FAM210B: variants seen among roughly 807,000 people sequenced by gnomAD.
FAM210B encodes the protein family with sequence similarity 210 member B.
In FAM210B, 11 loss-of-function variants were observed where a neutral mutation model predicts 14.9. The observed-to-expected ratio is 0.74, with a 90% CI of 0.46 to 1.22. The LOEUF is 1.22. Ranked by LOEUF, FAM210B falls within the 50% of genes most tolerant of loss-of-function variation. The pLI is 0.00. For synonymous variants in FAM210B, 113 were observed against 110.2 expected (o/e 1.03, Z -0.16); for missense variants, 229 against 250.1 (o/e 0.92, Z 0.57).
intron 1 of FAM210B, 128 bp from the exon 2 acceptor site, chr20:56,364,959 A>G (rs1017662051): frequency 1.1e-6 from 1 of 931,940 alleles, no homozygotes; most frequent in Non-Finnish European, 1.5e-6. Flanking sequence ...GTCTCAAAAG[A>G]AAAAGGAAAG....
intron 2 of FAM210B, 38 bp downstream of exon 2, chr20:56,365,300 T>C (rs17362970): frequency 0.15 from 240,029 of 1,590,180 alleles, 19,607 homozygotes; most frequent in Middle Eastern, 0.17. Flanking sequence ...TGTTTTTTAC[T>C]GTCATGTAAG....
rs767045517 is a variant in FAM210B at position 56,366,077 on chromosome 20, G to C, written c.369G>C (p.Val123=). The change falls in exon 3 of 3, where the codon GTG becomes GTC. Residue 123 remains valine (V), a synonymous_variant. Transcript: ENST00000371384. ...TTTGCTTCTTCCCCCCTAGTGGTGT[G>C]GACATGCCTGCAATCCTGCTGAAAC... ...GIFYMVVSSG[V]DMPAILLKLG... is the part of the protein sequence containing the mutation. 6.2e-7 allele frequency: 1 copy of C among 1,613,832 alleles called. No individual in the cohort carries two copies. Among genetic ancestry groups the C allele is most frequent in the Non-Finnish European group, 8.5e-7 (1 of 1,179,792 alleles).
chr20:56,361,557 T>A (rs1983532591), intron 1 of FAM210B, among the ~76,000 whole-genome samples: 1 of 152,178 alleles, frequency 6.6e-6, no homozygotes, highest in African/African-American at 2.4e-5. Context: ...CTGACAGTAA[T>A]CCCTGTGTGA....
chr20:56,360,248 G>A (rs1176937578), intron 1 of FAM210B: 3 of 470,176 alleles, frequency 6.4e-6, no homozygotes, highest in Admixed American at 2.3e-5. Flanking sequence ...ACACCGTGCC[G>A]CCTCCTGATG....
chr20:56,365,522 T>G (rs1983615460), intron 2 of FAM210B, among the ~76,000 whole-genome samples: 1 of 151,770 alleles, frequency 6.6e-6, no homozygotes. Flanking sequence ...TTGTTTGTTT[T>G]GGGGGACGGA....
rs1028838120 is a variant in FAM210B, at chr20:56,367,962, A to C, written c.*1675A>C. 2.6e-5 allele frequency: 4 copies of C among 152,286 alleles called. No individual in the cohort carries two copies. The highest frequency in any genetic ancestry group is 9.6e-5 in the African/African-American group (4 of 41,454). The allele number at this position is 152,286 out of a possible 1,614,324, so 9.4% of individuals were successfully genotyped here. A position where few individuals can be genotyped will look rare whatever the true frequency, so the allele number is the denominator to read the frequency against. On this transcript the variant is annotated 3_prime_UTR_variant, in exon 3 of 3. Transcript: ENST00000371384. ...GAACTGAATAAACCATTAACTGGCC[A>C]TCCTGGTTTTGCAGAGATCAGGTTG... is the stretch of plus-strand genomic sequence containing the variant.
rs1265586946 is a variant in FAM210B, at chr20:56,366,359, T to G, written c.*72T>G. 4 of 1,503,168 alleles carry G rather than the reference T, an allele frequency of 2.7e-6. No homozygotes were observed. The highest frequency in any genetic ancestry group is 4.5e-5 in the East Asian group (2 of 44,112). The allele number at this position is 1,503,168 out of a possible 1,614,324, so 93.1% of individuals were successfully genotyped here. ...CATGATTTGGATTGGTTTTAGGGTT[T>G]TAGGGTTGTAGGGTTTCTTTTGGAG... On this transcript the variant is annotated 3_prime_UTR_variant, in exon 3 of 3. Transcript: ENST00000371384.
Position 56,368,526 on chromosome 20 carries a change from A to G in FAM210B, c.*2239A>G, listed in dbSNP as rs762738436. 6.6e-6 allele frequency: 1 copy of G among 152,196 alleles called. No homozygotes were observed. Among genetic ancestry groups the G allele is most frequent in the Non-Finnish European group, 1.5e-5 (1 of 68,068 alleles). 9.4% of individuals were successfully genotyped at this position (152,196 alleles called of 1,614,324 possible). On this transcript the variant is annotated 3_prime_UTR_variant, in exon 3 of 3. Coordinates refer to ENST00000371384, the MANE Select transcript of FAM210B (RefSeq NM_080821.3). ...CTGTGGCCAGGGGTCCAAACAGAAA[A>G]TAACCGGAGAAGACAAGGAGGTCAA...
chr20:56,367,574 T>C lies in FAM210B; in HGVS notation c.*1287T>C, dbSNP rs1422097615. 1 of 152,428 alleles carries C rather than the reference T, an allele frequency of 6.6e-6. No homozygotes were observed. Among genetic ancestry groups the C allele is most frequent in the Non-Finnish European group, 1.5e-5 (1 of 68,230 alleles). The allele number at this position is 152,428 out of a possible 1,614,324, so 9.4% of individuals were successfully genotyped here. A position where few individuals can be genotyped will look rare whatever the true frequency, so the allele number is the denominator to read the frequency against. ...TTGCTTGAACCCAGGAGGTGGAGGTTGCAGTGAGCCAAGATCACACCACTG... is the reference window on the plus strand; with the variant it reads ...TTGCTTGAACCCAGGAGGTGGAGGTCGCAGTGAGCCAAGATCACACCACTG... On this transcript the variant is annotated 3_prime_UTR_variant, in exon 3 of 3. Transcript: ENST00000371384.
chr20:56,360,414 A>T, intron 1 of FAM210B: 1 of 356,818 alleles, frequency 2.8e-6, no homozygotes, highest in South Asian at 2.1e-5. Context: ...CCTGTCAGCC[A>T]CATTGACCTT....
At chr20:56,360,053 G>A (rs1569020868) in intron 1 of FAM210B, 2 of 383,750 alleles carry the variant, frequency 5.2e-6, no homozygotes, top group African/African-American at 2.1e-5. Flanking sequence ...AGGCCTCAGC[G>A]GAGTGCCGCC....
At chr20:56,364,347 GCCAGTAGCA>G (rs1983588843) in intron 1 of FAM210B, among the ~76,000 whole-genome samples, 1 of 152,102 alleles carries the variant, frequency 6.6e-6, no homozygotes. Context: ...GCCTCCATAA[GCCAGTAGCA>G]CCGCATCTTC....
chr20:56,358,976 C>G lies in FAM210B; in HGVS notation c.-30C>G. ...GGCCTCCGCCCGCCTCCCGGGTCAGCGGCGCGGGTGCTGCGCCTAGCTGCG... is the reference window on the plus strand; with the variant it reads ...GGCCTCCGCCCGCCTCCCGGGTCAGGGGCGCGGGTGCTGCGCCTAGCTGCG... On this transcript the variant is annotated 5_prime_UTR_variant, in exon 1 of 3. Coordinates refer to ENST00000371384, the MANE Select transcript of FAM210B (RefSeq NM_080821.3). 8.4e-7 allele frequency: 1 copy of G among 1,189,246 alleles called. No individual in the cohort carries two copies. The highest frequency in any genetic ancestry group is 3.4e-4 in the Middle Eastern group (1 of 2,916). 73.7% of individuals were successfully genotyped at this position (1,189,246 alleles called of 1,614,324 possible). A position where few individuals can be genotyped will look rare whatever the true frequency, so the allele number is the denominator to read the frequency against.
At chr20:56,365,592 G>C (rs777771595) in intron 2 of FAM210B, among the ~76,000 whole-genome samples, 3 of 152,072 alleles carry the variant, frequency 2.0e-5, no homozygotes, top group Non-Finnish European at 2.9e-5. Context: ...TGCAAGCTCT[G>C]CCTCCCGGGT....
In FAM210B at chr20:56,362,177, A is replaced by G. The variant is rs1983544862; in HGVS notation, c.187-2910A>G. 6.6e-6 allele frequency among the ~76,000 whole-genome samples: 1 copy of G among 152,052 alleles called. No homozygotes were observed. The highest frequency in any genetic ancestry group is 2.4e-5 in the African/African-American group (1 of 41,408). On this transcript the variant is annotated intron_variant, in intron 1 of 2. Coordinates refer to ENST00000371384, the MANE Select transcript of FAM210B (RefSeq NM_080821.3). This position sits in a 1 kb window ranked among gnomAD's most constrained non-coding sequence, Gnocchi z 4.8. ...CAATATAGTGTTTATTATTAATATG[A>G]TTTCTCAAGTGGAAGAAAACAGGTG...
rs1983580146 is a variant in FAM210B, at chr20:56,363,934, G to A, written c.187-1153G>A. ...CTTGGAGGGCCTGGGTTCTAATCTTGGTGACATCAGGCCAATGACCTCACC... is the reference window on the plus strand; with the variant it reads ...CTTGGAGGGCCTGGGTTCTAATCTTAGTGACATCAGGCCAATGACCTCACC... On this transcript the variant is annotated intron_variant, in intron 1 of 2. Transcript: ENST00000371384. The surrounding 1 kb of genome is among the most constrained non-coding windows in gnomAD (Gnocchi z 4.1). Among the ~76,000 whole-genome samples, 2 of 152,134 alleles carry A rather than the reference G, an allele frequency of 1.3e-5. No individual in the cohort carries two copies. The highest frequency in any genetic ancestry group is 4.8e-5 in the African/African-American group (2 of 41,424).
At chr20:56,361,175 C>G (rs1983524428) in intron 1 of FAM210B, among the ~76,000 whole-genome samples, 1 of 152,188 alleles carries the variant, frequency 6.6e-6, no homozygotes, top group African/African-American at 2.4e-5. Context: ...GACTTGCTCT[C>G]CCAGAGCCCC....
rs1983632843 is a variant in FAM210B at position 56,366,231 on chromosome 20, A to G, written c.523A>G (p.Ile175Val). 1.2e-6 allele frequency: 2 copies of G among 1,614,130 alleles called. No individual in the cohort carries two copies. The highest frequency in any genetic ancestry group is 1.7e-6 in the Non-Finnish European group (2 of 1,180,030). ...CATTACGCTAGTCTCTGTGCCCTTG[A>G]TTGTCAGATATTTTCGAAAAGTGGG... ...ISITLVSVPL[I>V]VRYFRKVGFF... The change falls in exon 3 of 3, where the codon ATT (isoleucine) becomes GTT (valine). Residue 175 changes from isoleucine to valine, a missense_variant. Transcript: ENST00000371384.
At position 56,367,083 on chromosome 20, in the gene FAM210B, T is replaced by A. The variant is rs1032327148; in HGVS notation, c.*796T>A. The A allele has an allele frequency of 1.3e-5, 2 of 152,536 alleles. No homozygotes were observed. Among genetic ancestry groups the A allele is most frequent in the Non-Finnish European group, 2.9e-5 (2 of 68,024 alleles). 9.4% of individuals were successfully genotyped at this position (152,536 alleles called of 1,614,324 possible). ...GACAATCTCAGCTTTTCTTAGACAA[T>A]CTTCTATCTCAAACTTCAGACATTC... On this transcript the variant is annotated 3_prime_UTR_variant, in exon 3 of 3. Transcript: ENST00000371384.
Sources: gnomAD v4.1 joint callset for allele counts (sites outside exome capture counted in the v4.1 genomes callset) on GRCh38, gnomAD v4.1.1 for gene constraint, Gnocchi (gnomAD v3.1) non-coding constraint, MANE v1.5 for transcripts, NCBI Gene and HGNC (gene_info 2026-07-23, HGNC 2026-07-21) for gene names.